CDK5RAP2: variants seen among roughly 807,000 people sequenced by gnomAD.
CDK5RAP2 encodes CDK5 regulatory subunit-associated protein 2.
A neutral mutation model predicts 232.9 loss-of-function variants in CDK5RAP2; 147 were observed. The ratio of observed to expected loss-of-function variants is 0.63; its 90% CI spans 0.55 to 0.72. The LOEUF (loss-of-function observed/expected upper bound fraction) is 0.72. Among genes scored for constraint, CDK5RAP2 ranks in the 30% least tolerant of loss-of-function variants. The pLI is 0.00. For synonymous variants in CDK5RAP2, 833 were observed against 833.7 expected (o/e 1.00, Z 0.01); for missense variants, 2,195 against 2,231.5 (o/e 0.98, Z 0.33).
At chr9:120,578,862 T>C (rs924499244) in intron 1 of CDK5RAP2, among the ~76,000 whole-genome samples, 3 of 152,196 alleles carry the variant, frequency 2.0e-5, no homozygotes, top group Non-Finnish European at 4.4e-5. Flanking sequence ...CCACCGCACC[T>C]GGCTCTTTTC....
intron 25 of CDK5RAP2, among the ~76,000 whole-genome samples, chr9:120,423,737 T>C (rs1220370330): frequency 6.6e-6 from 1 of 152,136 alleles, no homozygotes; most frequent in Non-Finnish European, 1.5e-5. Flanking sequence ...ACTTGAAAAA[T>C]GAGACTATAA....
At chr9:120,455,753 C>T (rs895846245) in intron 20 of CDK5RAP2, among the ~76,000 whole-genome samples, 3 of 150,462 alleles carry the variant, frequency 2.0e-5, no homozygotes, top group African/African-American at 7.3e-5. Flanking sequence ...AAAAAAAAAT[C>T]AAGAAAGGTG....
At chr9:120,457,959 T>C (rs2036874485) in intron 20 of CDK5RAP2, among the ~76,000 whole-genome samples, 1 of 152,114 alleles carries the variant, frequency 6.6e-6, no homozygotes, top group Admixed American at 6.5e-5. Flanking sequence ...ATTGAAAAAA[T>C]ACAAATGTAC....
intron 14 of CDK5RAP2, among the ~76,000 whole-genome samples, chr9:120,485,535 C>T (rs151251663): frequency 0.017 from 2,565 of 152,254 alleles, 76 homozygotes; most frequent in African/African-American, 0.058. Context: ...CCTTGTGATC[C>T]ACCTGCCTCG....
intron 2 of CDK5RAP2, among the ~76,000 whole-genome samples, chr9:120,571,486 C>A (rs962533453): frequency 6.6e-6 from 1 of 152,250 alleles, no homozygotes; most frequent in Admixed American, 6.5e-5. Context: ...AAACACAGTA[C>A]GCTACTTATT....
chr9:120,487,370 T>C lies in CDK5RAP2; in HGVS notation c.1550A>G (p.Glu517Gly), dbSNP rs142536951. The change falls in exon 14 of 38, where the codon GAG becomes GGG. Residue 517 changes from glutamate (E) to glycine (G), a missense_variant. Transcript: ENST00000349780. ...TGTTATTAAGCCTTCACTCCTGAGCTCAAGATCCTCTGCAGCCATTAAATA... is the reference window on the plus strand; with the variant it reads ...TGTTATTAAGCCTTCACTCCTGAGCCCAAGATCCTCTGCAGCCATTAAATA... ...NCYLMAAEDL[E>G]LRSEGLITEK... is the part of the protein sequence containing the mutation. 1 of 1,613,960 alleles carries C rather than the reference T, an allele frequency of 6.2e-7. No homozygotes were observed. Among genetic ancestry groups the C allele is most frequent in the Non-Finnish European group, 8.5e-7 (1 of 1,179,908 alleles).
intron 25 of CDK5RAP2, among the ~76,000 whole-genome samples, chr9:120,429,237 T>C (rs1035938807): frequency 3.3e-5 from 5 of 149,844 alleles, no homozygotes; most frequent in Non-Finnish European, 6.0e-5. Flanking sequence ...CTATTCAACA[T>C]AGTGTTGGAA....
intron 21 of CDK5RAP2, among the ~76,000 whole-genome samples, chr9:120,453,163 C>G (rs2036566850): frequency 6.6e-6 from 1 of 152,064 alleles, no homozygotes; most frequent in South Asian, 2.1e-4. Flanking sequence ...GATGTATAAA[C>G]AAGACCTCAC....
At chr9:120,448,896 T>C (rs2036341901) in intron 21 of CDK5RAP2, among the ~76,000 whole-genome samples, 2 of 152,170 alleles carry the variant, frequency 1.3e-5, no homozygotes, top group South Asian at 4.1e-4. Flanking sequence ...ATGCTGTTAG[T>C]TCTCACCTAA....
At chr9:120,406,991 G>A (rs774831147) in intron 32 of CDK5RAP2, 21 bp downstream of exon 32, 2 of 1,543,896 alleles carry the variant, frequency 1.3e-6, no homozygotes, top group East Asian at 2.2e-5. Context: ...CTCAGCAAGT[G>A]GGGAGAGGCA....
intron 14 of CDK5RAP2, among the ~76,000 whole-genome samples, chr9:120,478,609 C>CA (rs35117451): frequency 6.6e-6 from 1 of 151,974 alleles, no homozygotes; most frequent in Non-Finnish European, 1.5e-5. Flanking sequence ...CCCGCCTCTA[C>CA]AAAAAAGTAA....
chr9:120,576,573 G>A (rs746828232), intron 1 of CDK5RAP2, among the ~76,000 whole-genome samples: 5 of 152,114 alleles, frequency 3.3e-5, no homozygotes, highest in East Asian at 1.9e-4. Flanking sequence ...ATGGTGGCAC[G>A]TGCCTGTAGT....
At chr9:120,408,317 G>C in intron 31 of CDK5RAP2, 30 bp downstream of exon 31, 1 of 1,613,188 alleles carries the variant, frequency 6.2e-7, no homozygotes. Context: ...CCAAAGCACA[G>C]TAGCCTCAAG....
intron 22 of CDK5RAP2, among the ~76,000 whole-genome samples, chr9:120,444,929 A>G (rs372721874): frequency 1.8e-4 from 28 of 152,334 alleles, no homozygotes; most frequent in African/African-American, 6.5e-4. Flanking sequence ...TAGAGTGTAT[A>G]GCAAGACTCA....
rs1383113441 is a variant in CDK5RAP2, at chr9:120,408,172, C to T, written c.4726+175G>A. 13 of 781,176 alleles carry T rather than the reference C, an allele frequency of 1.7e-5. No homozygotes were observed. In the African/African-American group the frequency reaches 2.2e-4, roughly 13 times the overall value. The allele number at this position is 781,176 out of a possible 1,614,324, so 48.4% of individuals were successfully genotyped here. On this transcript the variant is annotated intron_variant, in intron 31 of 37. Transcript: ENST00000349780. ...CTGAGCCTCAGTCCTTCTATGTTTC[C>T]TGCTGTTCCTTCAGAAGAAGAGTGG...
chr9:120,437,639 A>G, intron 24 of CDK5RAP2, 112 bp from the exon 25 acceptor site: 1 of 776,842 alleles, frequency 1.3e-6, no homozygotes. Context: ...CTGCAGCTGT[A>G]CAAGTATATA....
intron 36 of CDK5RAP2, among the ~76,000 whole-genome samples, chr9:120,390,823 G>A (rs1180907915): frequency 3.3e-5 from 5 of 152,202 alleles, no homozygotes; most frequent in East Asian, 1.9e-4. Flanking sequence ...GGTGTCTGTC[G>A]TGTGGTGGCC....
chr9:120,529,539 C>G (rs1173010651), intron 8 of CDK5RAP2, among the ~76,000 whole-genome samples: 1 of 152,210 alleles, frequency 6.6e-6, no homozygotes, highest in Non-Finnish European at 1.5e-5. Context: ...ATACTGAACC[C>G]CTCCCATACT....
intron 5 of CDK5RAP2, among the ~76,000 whole-genome samples, chr9:120,540,612 A>C (rs2041590911): frequency 6.6e-6 from 1 of 152,264 alleles, no homozygotes; most frequent in Non-Finnish European, 1.5e-5. Flanking sequence ...CTGGAAAGAA[A>C]GAACATGGGC....
Sources: gnomAD v4.1 joint callset for allele counts (sites outside exome capture counted in the v4.1 genomes callset) on GRCh38, gnomAD v4.1.1 for gene constraint, MANE v1.5 for transcripts, NCBI Gene and HGNC (gene_info 2026-07-23, HGNC 2026-07-21) for gene names.